CENPP: variants seen among roughly 807,000 people sequenced by gnomAD.
The protein encoded by CENPP is centromere protein P.
Under a neutral mutation model 35.6 loss-of-function variants are expected in CENPP, and 24 were observed. The observed-to-expected ratio is 0.67, with a 90% CI of 0.49 to 0.95. CENPP has a LOEUF of 0.95. Among genes scored for constraint, CENPP ranks in the 40% least tolerant of loss-of-function variants. The pLI is 0.00. For missense variants in CENPP, 332 were observed against 345.3 expected (o/e 0.96, Z 0.31); for synonymous variants, 120 against 125.5 (o/e 0.96, Z 0.29).
chr9:92,372,099 C>CTTTTTTTTTTTTTTTTTTTTTTTTTTTTT (rs71362382), intron 4 of CENPP, among the ~76,000 whole-genome samples: 2 of 30,680 alleles, frequency 6.5e-5, no homozygotes, highest in East Asian at 1.5e-3. Context: ...TGCCAGCCAT[C>CTTTTTTTTTTTTTTTTTTTTTTTTTTTTT]TTTTTTTTTT....
chr9:92,592,622 T>G (rs575247880), intron 5 of CENPP, among the ~76,000 whole-genome samples: 4 of 152,324 alleles, frequency 2.6e-5, no homozygotes, highest in Admixed American at 1.3e-4. Flanking sequence ...GTGTGCAGAT[T>G]TCTGTTGGGT....
intron 5 of CENPP, chr9:92,386,109 A>T: frequency 1.0e-6 from 1 of 998,298 alleles, no homozygotes; most frequent in Non-Finnish European, 1.6e-6. Flanking sequence ...TCTAACCAAA[A>T]TTTGTATGTG....
intron 5 of CENPP, among the ~76,000 whole-genome samples, chr9:92,388,871 T>C (rs1028311072): frequency 2.0e-5 from 3 of 150,860 alleles, no homozygotes; most frequent in Admixed American, 1.3e-4. Flanking sequence ...TTTTAAAAAG[T>C]CCTCTAAGAG....
intron 5 of CENPP, among the ~76,000 whole-genome samples, chr9:92,469,331 C>T (rs933672170): frequency 3.9e-5 from 6 of 152,152 alleles, no homozygotes; most frequent in Non-Finnish European, 5.9e-5. Context: ...GCTACCTGAC[C>T]GGGCAGTGTG....
upstream of CENPP, chr9:92,325,921 G>T (rs971934976): frequency 5.5e-6 from 7 of 1,275,352 alleles, no homozygotes; most frequent in Admixed American, 1.0e-4. Flanking sequence ...GAGCGCGCGC[G>T]AGGCTTGAAG....
intron 5 of CENPP, among the ~76,000 whole-genome samples, chr9:92,538,111 T>A (rs573571309): frequency 6.6e-6 from 1 of 152,160 alleles, no homozygotes; most frequent in African/African-American, 2.4e-5. Context: ...AACACCTCTT[T>A]CTGTACAAAA....
intron 5 of CENPP, chr9:92,515,155 A>T (rs542932546): frequency 6.2e-7 from 1 of 1,609,472 alleles, no homozygotes; most frequent in East Asian, 2.2e-5. Context: ...ATCACCAGAA[A>T]ATTCATTTCT....
intron 5 of CENPP, among the ~76,000 whole-genome samples, chr9:92,423,357 C>T (rs866504627): frequency 9.9e-5 from 15 of 152,076 alleles, no homozygotes; most frequent in East Asian, 3.9e-4. Flanking sequence ...GAAAAGCACT[C>T]GTGTTCATCA....
chr9:92,354,913 T>G (rs1172658773), intron 4 of CENPP, among the ~76,000 whole-genome samples: 1 of 152,008 alleles, frequency 6.6e-6, no homozygotes, highest in Admixed American at 6.6e-5. Context: ...ACCAGCAAGT[T>G]TTTATTAAGG....
chr9:92,341,190 A>T (rs900042194), intron 3 of CENPP, among the ~76,000 whole-genome samples: 4 of 152,178 alleles, frequency 2.6e-5, no homozygotes, highest in Non-Finnish European at 5.9e-5. Context: ...AGACCAGTTG[A>T]TCTCAAAACC....
intron 5 of CENPP, among the ~76,000 whole-genome samples, chr9:92,388,381 T>C (rs907936524): frequency 6.6e-6 from 1 of 151,772 alleles, no homozygotes. Flanking sequence ...AGGCTGGTCC[T>C]GACCTCCTGA....
In CENPP at chr9:92,466,623, C is replaced by G. The variant is rs541260748; in HGVS notation, c.564+86764C>G. ...ATATTAGGAAGTGGATTTGATTTAC[C>G]AGTATTCTACAGTGATTAGCCAATG... On this transcript the variant is annotated intron_variant, in intron 5 of 7. Transcript: ENST00000375587. 20 of 1,392,072 alleles carry G rather than the reference C, an allele frequency of 1.4e-5. No individual in the cohort carries two copies. The East Asian group carries it at 4.6e-4, about 32-fold the overall frequency. The allele number at this position is 1,392,072 out of a possible 1,614,324, so 86.2% of individuals were successfully genotyped here.
rs766189478 is a variant in CENPP at position 92,415,503 on chromosome 9, T to A, written c.564+35644T>A. 3 of 1,363,082 alleles carry A rather than the reference T, an allele frequency of 2.2e-6. No homozygotes were observed. In the Admixed American group the frequency reaches 6.6e-5, roughly 30 times the overall value. 84.4% of individuals were successfully genotyped at this position (1,363,082 alleles called of 1,614,324 possible). A position where few individuals can be genotyped will look rare whatever the true frequency, so the allele number is the denominator to read the frequency against. Reference sequence around the variant, plus strand: ...CTGAAAGAAATAAATTAAAAATTAATCTTGTATTATAGTATAATCCATAGT... The same window carrying A: ...CTGAAAGAAATAAATTAAAAATTAAACTTGTATTATAGTATAATCCATAGT... On this transcript the variant is annotated intron_variant, in intron 5 of 7. Transcript: ENST00000375587.
intron 5 of CENPP, among the ~76,000 whole-genome samples, chr9:92,407,040 G>A (rs148961736): frequency 1.3e-5 from 2 of 152,110 alleles, no homozygotes; most frequent in Non-Finnish European, 2.9e-5. Flanking sequence ...TCAGCCAAAG[G>A]GGGAGATGCG....
intron 5 of CENPP, among the ~76,000 whole-genome samples, chr9:92,423,877 T>C (rs1224831983): frequency 1.3e-5 from 2 of 152,136 alleles, no homozygotes; most frequent in East Asian, 1.9e-4. Flanking sequence ...TTATAATTCA[T>C]AGAAAAAAAG....
chr9:92,604,385 G>T (rs1851014288), intron 5 of CENPP, among the ~76,000 whole-genome samples: 1 of 152,146 alleles, frequency 6.6e-6, no homozygotes. Flanking sequence ...TTAAAATTGG[G>T]TTATTTATCT....
chr9:92,530,011 A>G (rs917946288), intron 5 of CENPP, among the ~76,000 whole-genome samples: 1 of 152,200 alleles, frequency 6.6e-6, no homozygotes, highest in Non-Finnish European at 1.5e-5. Flanking sequence ...TATAACAACT[A>G]CTTACATAGC....
rs1845730993 is a variant in CENPP, at chr9:92,476,876, G to A, written c.564+97017G>A. On this transcript the variant is annotated intron_variant, in intron 5 of 7. Transcript: ENST00000375587. The surrounding 1 kb of genome is among the most constrained non-coding windows in gnomAD (Gnocchi z 4.1). ...TGCCTTCTGCTCCAGCTCATGTGGG[G>A]GGACTCAGTTGTTTTATCCAGAAAT... 6.6e-6 allele frequency among the ~76,000 whole-genome samples: 1 copy of A among 152,154 alleles called. No homozygotes were observed. The highest frequency in any genetic ancestry group is 2.4e-5 in the African/African-American group (1 of 41,430).
rs1362688993 is a variant in CENPP, at chr9:92,522,905, C to T, written c.565-88409C>T. The T allele has an allele frequency of 3.9e-6, 6 of 1,554,666 alleles. No individual in the cohort carries two copies. The East Asian group carries it at 1.3e-4, about 35-fold the overall frequency. On this transcript the variant is annotated intron_variant, in intron 5 of 7. Transcript: ENST00000375587. ...CCACCAGCCAATTTCTAGAATGAAA[C>T]AATATTTCAAAGTTAGTGGTGACTA... is the stretch of plus-strand genomic sequence containing the variant.
Sources: allele counts gnomAD v4.1 joint callset (sites outside exome capture counted in the v4.1 genomes callset), GRCh38; gene constraint gnomAD v4.1.1; non-coding constraint Gnocchi (gnomAD v3.1); transcripts MANE v1.5; gene names NCBI Gene and HGNC (gene_info 2026-07-23, HGNC 2026-07-21).